SAXO3: variants seen among roughly 807,000 people sequenced by gnomAD.
The protein encoded by SAXO3 is stabilizer of axonemal microtubules 3.
chr19:49,018,498 G>C, the SAXO3 span, among the ~76,000 whole-genome samples: 1 of 152,098 alleles, frequency 6.6e-6, no homozygotes, highest in African/African-American at 2.4e-5. Flanking sequence ...TGCGTTCCTG[G>C]GTCCTCGAGG....
the SAXO3 span, chr19:49,019,922 T>G: frequency 1.8e-5 from 27 of 1,490,616 alleles, no homozygotes; most frequent in Non-Finnish European, 2.3e-5. Context: ...TTCTCCTAAA[T>G]CCTTGATCCC....
the SAXO3 span, chr19:49,019,879 C>T: frequency 1.5e-6 from 2 of 1,375,774 alleles, no homozygotes; most frequent in Non-Finnish European, 2.0e-6. Context: ...GCCCTGTCCC[C>T]TGCGGACTCC....
the SAXO3 span, chr19:49,019,482 T>G: frequency 8.2e-7 from 1 of 1,223,248 alleles, no homozygotes; most frequent in South Asian, 3.6e-5. Flanking sequence ...TAGTCCCTGG[T>G]CCTTCTGGCC....
the SAXO3 span, chr19:49,019,387 C>A: frequency 1.6e-6 from 2 of 1,252,906 alleles, no homozygotes; most frequent in Non-Finnish European, 1.0e-6. Flanking sequence ...CCACCTGACC[C>A]CGTCTCAGAA....
the SAXO3 span, chr19:49,018,732 C>T: frequency 2.8e-6 from 2 of 725,130 alleles, no homozygotes; most frequent in Admixed American, 2.7e-5. Context: ...GGGGCTGAGG[C>T]CTGAACTTTG....
At chr19:49,018,763 C>A in the SAXO3 span, 2 of 950,234 alleles carry the variant, frequency 2.1e-6, no homozygotes, top group South Asian at 1.5e-5. Flanking sequence ...CTACAGAAGT[C>A]GAGGCTGAGA....
the SAXO3 span, chr19:49,020,080 A>C: frequency 7.1e-7 from 1 of 1,401,858 alleles, no homozygotes; most frequent in Non-Finnish European, 9.3e-7. Flanking sequence ...CCTGCTTTGC[A>C]ACTTGGGGTA....
chr19:49,019,890 G>A, the SAXO3 span: 2 of 1,408,714 alleles, frequency 1.4e-6, no homozygotes, highest in African/African-American at 1.4e-5. Context: ...TGCGGACTCC[G>A]GCACTCCCCA....
chr19:49,019,746 C>T, the SAXO3 span: 1 of 1,202,106 alleles, frequency 8.3e-7, no homozygotes. Context: ...CAGTGTACTG[C>T]GCCCTCGTCT....
chr19:49,019,110 C>G, the SAXO3 span: 1 of 1,434,560 alleles, frequency 7.0e-7, no homozygotes, highest in Non-Finnish European at 9.1e-7. Flanking sequence ...ACAGCCATGA[C>G]GGCCACGGCC....
At chr19:49,019,307 A>G in the SAXO3 span, 3 of 1,216,968 alleles carry the variant, frequency 2.5e-6, no homozygotes, top group Non-Finnish European at 3.1e-6. Flanking sequence ...TCTGTCTTAA[A>G]CCGTCTTGGT....
chr19:49,019,869 G>A, the SAXO3 span: 1 of 1,346,250 alleles, frequency 7.4e-7, no homozygotes, highest in African/African-American at 1.5e-5. Context: ...GCAGTCCCCC[G>A]CCCTGTCCCC....
chr19:49,018,362 G>A, the SAXO3 span: 1 of 1,215,212 alleles, frequency 8.2e-7, no homozygotes, highest in Non-Finnish European at 1.0e-6. Context: ...GGGCGGGATG[G>A]TGAGGATACA....
the SAXO3 span, chr19:49,019,024 C>T: frequency 6.6e-7 from 1 of 1,524,610 alleles, no homozygotes; most frequent in East Asian, 2.5e-5. Context: ...GGGGAGGAGG[C>T]ATACCCAAGA....
chr19:49,019,532 C>T, the SAXO3 span: 2 of 1,168,082 alleles, frequency 1.7e-6, no homozygotes, highest in East Asian at 3.2e-5. Context: ...CCTCTAACCT[C>T]GCGATCCCGC....
the SAXO3 span, chr19:49,019,757 C>G: frequency 8.3e-7 from 1 of 1,210,014 alleles, no homozygotes; most frequent in African/African-American, 1.6e-5. Context: ...GCCCTCGTCT[C>G]GCTGCTCTGG....
chr19:49,019,199 C>A, the SAXO3 span: 3 of 1,399,466 alleles, frequency 2.1e-6, no homozygotes, highest in Non-Finnish European at 2.8e-6. Context: ...ATACCCGAAC[C>A]CTTCCCAGCC....
At chr19:49,019,474 G>A in the SAXO3 span, 1 of 1,238,154 alleles carries the variant, frequency 8.1e-7, no homozygotes, top group African/African-American at 1.6e-5. Flanking sequence ...TGAGTTTGTA[G>A]TCCCTGGTCC....
chr19:49,019,540 C>G, the SAXO3 span: 9 of 1,167,774 alleles, frequency 7.7e-6, no homozygotes, highest in Admixed American at 1.2e-4. Context: ...CTCGCGATCC[C>G]GCCCCAGACC....
Sources: gnomAD v4.1 joint callset for allele counts (sites outside exome capture counted in the v4.1 genomes callset) on GRCh38, gnomAD v4.1.1 for gene constraint, MANE v1.5 for transcripts, NCBI Gene and HGNC (gene_info 2026-07-23, HGNC 2026-07-21) for gene names.